Variants in TRAPPC12 observed in about 807,000 individuals in gnomAD.
The protein encoded by TRAPPC12 is trafficking protein particle complex subunit 12, also known as TPR repeat protein 15.
TRAPPC12 carries 61 observed loss-of-function variants against 69.2 expected under a neutral mutation model. That is an observed-to-expected ratio of 0.88 (90% CI 0.72 to 1.09). The LOEUF is 1.09. TRAPPC12 is among the 50% of genes least tolerant of loss of function. TRAPPC12 has a pLI of 0.00. For synonymous variants in TRAPPC12, 469 were observed against 438.9 expected, an observed-to-expected ratio of 1.07 and a Z score of -0.86; for missense variants, 1,101 against 1,016.4, an observed-to-expected ratio of 1.08 and a Z score of -1.13.
rs554084709 is a variant in TRAPPC12 at position 3,472,850 on chromosome 2, A to C, written c.1777-4845A>C. Among the ~76,000 whole-genome samples, 3 of 152,292 alleles carry C rather than the reference A, an allele frequency of 2.0e-5. No individual in the cohort carries two copies. The East Asian group carries it at 5.8e-4, about 29-fold the overall frequency. ...CACGGAGGACAGGTGGGAACTGACA[A>C]CCAGGGACCAGGGTCAGGGTCAGCG... On this transcript the variant is annotated intron_variant, in intron 9 of 11. Transcript: ENST00000324266.
intron 3 of TRAPPC12, among the ~76,000 whole-genome samples, chr2:3,415,959 G>A (rs183674976): frequency 1.3e-5 from 2 of 150,370 alleles, no homozygotes; most frequent in Non-Finnish European, 3.0e-5. Flanking sequence ...CTCATGATCC[G>A]CCCCCCTCAG....
At chr2:3,387,112 A>G (rs1190580802) in intron 1 of TRAPPC12, among the ~76,000 whole-genome samples, 1 of 152,214 alleles carries the variant, frequency 6.6e-6, no homozygotes, top group East Asian at 1.9e-4. Context: ...CAATAGCTAA[A>G]AGATGGGAGC....
intron 7 of TRAPPC12, among the ~76,000 whole-genome samples, chr2:3,458,756 T>C (rs892980651): frequency 1.3e-5 from 2 of 152,164 alleles, no homozygotes; most frequent in African/African-American, 2.4e-5. Context: ...AGCATGTAGT[T>C]ATCAGAGAGC....
intron 5 of TRAPPC12, among the ~76,000 whole-genome samples, chr2:3,441,770 G>C (rs1327274273): frequency 6.6e-6 from 1 of 150,554 alleles, no homozygotes; most frequent in African/African-American, 2.4e-5. Context: ...TTTCCTTCTA[G>C]TTTTCAAAGG....
intron 2 of TRAPPC12, among the ~76,000 whole-genome samples, chr2:3,399,017 G>A (rs1450671647): frequency 2.6e-5 from 4 of 152,160 alleles, no homozygotes; most frequent in South Asian, 2.1e-4. Flanking sequence ...CAGTACAAGC[G>A]TCTCCACCTC....
chr2:3,464,553 G>A (rs1665704023), intron 8 of TRAPPC12, among the ~76,000 whole-genome samples: 1 of 152,244 alleles, frequency 6.6e-6, no homozygotes, highest in African/African-American at 2.4e-5. Flanking sequence ...AAACACCATT[G>A]GTGGCCATAG....
chr2:3,477,412 G>C (rs947604633), intron 9 of TRAPPC12, among the ~76,000 whole-genome samples: 4 of 152,040 alleles, frequency 2.6e-5, no homozygotes, highest in African/African-American at 9.7e-5. Context: ...CTAATGCTCT[G>C]CCAGAATTCA....
At chr2:3,386,761 A>G (rs1660512127) in intron 1 of TRAPPC12, among the ~76,000 whole-genome samples, 1 of 152,132 alleles carries the variant, frequency 6.6e-6, no homozygotes, top group Non-Finnish European at 1.5e-5. Context: ...TACAAATTGA[A>G]GAGTCTTGGG....
intron 6 of TRAPPC12, chr2:3,457,025 C>T (rs949315237): frequency 2.2e-5 from 10 of 454,800 alleles, no homozygotes; most frequent in Non-Finnish European, 3.5e-5. Context: ...TCGCCCCACG[C>T]CATAGGGACT....
At chr2:3,434,068 A>G (rs1663615792) in intron 5 of TRAPPC12, among the ~76,000 whole-genome samples, 1 of 152,212 alleles carries the variant, frequency 6.6e-6, no homozygotes, top group African/African-American at 2.4e-5. Context: ...GAATCAGCTT[A>G]AAGGTATTTT....
intron 2 of TRAPPC12, among the ~76,000 whole-genome samples, chr2:3,394,580 C>T (rs1414953095): frequency 6.6e-6 from 1 of 151,778 alleles, no homozygotes; most frequent in Non-Finnish European, 1.5e-5. Context: ...GAGATTGCAC[C>T]ATTGCATTCC....
chr2:3,474,069 G>T (rs1051573897), intron 9 of TRAPPC12, among the ~76,000 whole-genome samples: 3 of 152,166 alleles, frequency 2.0e-5, no homozygotes, highest in Admixed American at 2.0e-4. Context: ...AATGGCTTCC[G>T]TGCCACCAAG....
chr2:3,414,661 CAG>C lies in TRAPPC12; in HGVS notation c.1165-7217_1165-7216del, dbSNP rs1662246519. On this transcript the variant is annotated intron_variant, in intron 3 of 11. Transcript: ENST00000324266. This position sits in a 1 kb window ranked among gnomAD's most constrained non-coding sequence, Gnocchi z 4.9. ...GAGCTGTGTGCCAGCAGTGTCCTCA[CAG>C]AGCTGTCAAGCGTGTCCATGCCGTG... 6.6e-6 allele frequency among the ~76,000 whole-genome samples: 1 copy of C among 152,140 alleles called. No individual in the cohort carries two copies. The highest frequency in any genetic ancestry group is 2.4e-5 in the African/African-American group (1 of 41,422).
At chr2:3,476,192 C>T (rs939659180) in intron 9 of TRAPPC12, among the ~76,000 whole-genome samples, 1 of 152,128 alleles carries the variant, frequency 6.6e-6, no homozygotes, top group African/African-American at 2.4e-5. Flanking sequence ...TCTTCCTCCT[C>T]GTATGGTATT....
At chr2:3,464,986 C>T (rs988240752) in intron 8 of TRAPPC12, among the ~76,000 whole-genome samples, 1 of 152,244 alleles carries the variant, frequency 6.6e-6, no homozygotes, top group Admixed American at 6.5e-5. Flanking sequence ...GCACAGCGCT[C>T]CTACATGTTC....
intron 9 of TRAPPC12, among the ~76,000 whole-genome samples, chr2:3,470,381 T>C (rs1045906621): frequency 1.1e-4 from 16 of 152,238 alleles, no homozygotes; most frequent in African/African-American, 4.8e-5. Flanking sequence ...CTGTGCGTGG[T>C]TCGCAGCCCC....
intron 9 of TRAPPC12, chr2:3,467,581 G>A (rs1219015531): frequency 6.6e-6 from 1 of 152,188 alleles, no homozygotes; most frequent in Non-Finnish European, 1.5e-5. Flanking sequence ...TTCCGGCTTG[G>A]GCAGGTCAGT....
At chr2:3,476,792 G>A (rs7592700) in intron 9 of TRAPPC12, among the ~76,000 whole-genome samples, 88,724 of 151,986 alleles carry the variant, frequency 0.58, 27,842 homozygotes, top group African/African-American at 0.83. Context: ...TGAGCCGCGC[G>A]CATTCAGCTT....
chr2:3,424,409 T>G, intron 4 of TRAPPC12, 116 bp from the exon 5 acceptor site: 1 of 869,350 alleles, frequency 1.2e-6, no homozygotes, highest in Non-Finnish European at 1.8e-6. Context: ...AAAGTTAGGT[T>G]AGCCCTTATT....
Sources: allele counts gnomAD v4.1 joint callset (sites outside exome capture counted in the v4.1 genomes callset), GRCh38; gene constraint gnomAD v4.1.1; non-coding constraint Gnocchi (gnomAD v3.1); transcripts MANE v1.5; gene names NCBI Gene and HGNC (gene_info 2026-07-23, HGNC 2026-07-21).